The following TPCN2 variants were observed in gnomAD, a reference collection of about 807,000 sequenced individuals.
TPCN2 encodes the protein two pore channel protein 2.
TPCN2 carries 92 observed loss-of-function variants against 111.4 expected under a neutral mutation model. The ratio of observed to expected loss-of-function variants is 0.83; its 90% CI spans 0.70 to 0.98. The LOEUF (loss-of-function observed/expected upper bound fraction) is 0.98. Among genes scored for constraint, TPCN2 ranks in the 50% least tolerant of loss-of-function variants. The pLI, the probability that TPCN2 is intolerant of heterozygous loss-of-function variation, is 0.00. For missense variants in TPCN2, 995 were observed against 980.1 expected (o/e 1.02, Z -0.20); for synonymous variants, 405 against 414.5 (o/e 0.98, Z 0.28).
intron 13 of TPCN2, 57 bp from the exon 14 acceptor site, chr11:69,078,425 G>C (rs1236845393): frequency 6.2e-7 from 1 of 1,600,046 alleles, no homozygotes; most frequent in African/African-American, 1.3e-5. Context: ...GCATTTTTGG[G>C]CTGCAACAGC....
chr11:69,084,895 G>T (rs1856206600), intron 19 of TPCN2: 2 of 812,424 alleles, frequency 2.5e-6, no homozygotes, highest in Admixed American at 1.2e-4. Flanking sequence ...GCTGACGCAT[G>T]TTAGGGACAG....
At chr11:69,082,327 TACAC>T (rs1035250016) in intron 18 of TPCN2, among the ~76,000 whole-genome samples, 3 of 152,198 alleles carry the variant, frequency 2.0e-5, no homozygotes, top group Non-Finnish European at 2.9e-5. Context: ...CACATGCATA[TACAC>T]ACACAATCAC....
chr11:69,052,465 A>G (rs930819998), intron 1 of TPCN2, among the ~76,000 whole-genome samples: 1 of 152,144 alleles, frequency 6.6e-6, no homozygotes, highest in South Asian at 2.1e-4. Context: ...GGACATAAAC[A>G]GTAGCCACTT....
chr11:69,084,654 C>G, intron 19 of TPCN2: 1 of 985,436 alleles, frequency 1.0e-6, no homozygotes, highest in African/African-American at 1.7e-5. Context: ...GCAGTTTTGC[C>G]ATTTTATTCT....
Position 69,078,550 on chromosome 11 carries a change from C to G in TPCN2, c.1299C>G (p.Tyr433Ter). The G allele has an allele frequency of 6.2e-7, 1 of 1,614,104 alleles. No homozygotes were observed. Among genetic ancestry groups the G allele is most frequent in the Non-Finnish European group, 8.5e-7 (1 of 1,180,026 alleles). ...CCCAGTTCCTCTTCGGCCACTACTA[C>G]TTTGACTACCTGGGGAACCTCATCG... is the stretch of plus-strand genomic sequence containing the variant. ...QSAQFLFGHYYFDYLGNLIAL... is the reference protein window; with the variant it reads ...QSAQFLFGHY Residue 433 changes from tyrosine to a stop codon, truncating the protein, a stop_gained, in exon 14 of 25, where the codon TAC (tyrosine) becomes TAG (stop). Transcript: ENST00000294309. LOFTEE classifies it high-confidence loss of function.
chr11:69,069,758 C>G (rs12795701), intron 8 of TPCN2, among the ~76,000 whole-genome samples: 1 of 103,586 alleles, frequency 9.7e-6, no homozygotes, highest in Non-Finnish European at 2.2e-5. Context: ...GGAGCAGGAC[C>G]GTCTGAGTCC....
intron 7 of TPCN2, 135 bp downstream of exon 7, chr11:69,064,102 G>T (rs2134555403): frequency 1.2e-6 from 1 of 832,822 alleles, no homozygotes; most frequent in Admixed American, 2.1e-5. Flanking sequence ...GGCCCATCTG[G>T]GGTCCAGGAG....
intron 1 of TPCN2, among the ~76,000 whole-genome samples, chr11:69,050,346 C>G (rs1355324884): frequency 6.6e-6 from 1 of 152,182 alleles, no homozygotes; most frequent in Admixed American, 6.5e-5. Context: ...TGGGGCTGCA[C>G]TGGCTGTGTG....
chr11:69,049,220 T>C (rs979437201), intron 1 of TPCN2, 114 bp downstream of exon 1: 5 of 670,310 alleles, frequency 7.5e-6, no homozygotes, highest in Non-Finnish European at 1.0e-5. Flanking sequence ...CAGGTTCGAG[T>C]CCGAGCGGGG....
intron 3 of TPCN2, among the ~76,000 whole-genome samples, 178 bp downstream of exon 3, chr11:69,054,975 A>T (rs113234545): frequency 6.6e-6 from 1 of 152,284 alleles, no homozygotes; most frequent in African/African-American, 2.4e-5. Flanking sequence ...GGCTCCTTCT[A>T]CAACAAGGGT....
rs998824065 is a variant in TPCN2 at position 69,081,509 on chromosome 11, GGCCCCACCCCCACTC to G, written c.1689+20_1689+34del. The G allele has an allele frequency of 1.6e-5, 25 of 1,540,770 alleles. No individual in the cohort carries two copies. In the African/African-American group the frequency reaches 2.2e-4, roughly 13 times the overall value. ...CATCCCCAGCATGAAGGTGTGTGCCGGCCCCACCCCCACTCGCCCCACCCTCCTGGGTCATGCTGC... is the reference window on the plus strand; with the variant it reads ...CATCCCCAGCATGAAGGTGTGTGCCGGCCCCACCCTCCTGGGTCATGCTGC... On this transcript the variant is annotated intron_variant, in intron 18 of 24. Transcript: ENST00000294309.
Position 69,081,816 on chromosome 11 carries a change from G to C in TPCN2, c.1689+317G>C, listed in dbSNP as rs115562753. On this transcript the variant is annotated intron_variant, in intron 18 of 24. Transcript: ENST00000294309. The stretch of plus-strand genomic sequence containing the variant: ...ACCAGTGCTCCCCCAGGTCTCTGAG[G>C]TTCCCAGAAAGGCCTTTGCCATGGC... Among the ~76,000 whole-genome samples the C allele has an allele frequency of 9.0e-3, 1,364 of 152,254 alleles. 20 individuals carry two copies. The highest frequency in any genetic ancestry group is 0.032 in the African/African-American group (1,314 of 41,538).
intron 18 of TPCN2, chr11:69,083,199 A>G (rs1351752919): frequency 6.5e-6 from 1 of 153,004 alleles, no homozygotes; most frequent in Non-Finnish European, 1.5e-5. Flanking sequence ...ACTTTAAGGG[A>G]AATGGCGCAC....
chr11:69,050,692 C>T (rs1032338964), intron 1 of TPCN2, among the ~76,000 whole-genome samples: 2 of 152,170 alleles, frequency 1.3e-5, no homozygotes, highest in Admixed American at 6.5e-5. Context: ...TTCACCTTTC[C>T]GAATCTCAGT....
intron 6 of TPCN2, among the ~76,000 whole-genome samples, chr11:69,063,261 C>T (rs956623976): frequency 4.0e-5 from 6 of 149,012 alleles, no homozygotes; most frequent in Admixed American, 2.6e-4. Flanking sequence ...GTCCCATGGG[C>T]ACTCTCTCCG....
intron 20 of TPCN2, 67 bp from the exon 21 acceptor site, chr11:69,085,604 G>A: frequency 9.5e-7 from 1 of 1,050,002 alleles, no homozygotes; most frequent in South Asian, 1.3e-5. Context: ...AGAGGAAAGG[G>A]GTGTAAGGTA....
chr11:69,078,243 C>T lies in TPCN2; in HGVS notation c.1231-239C>T, dbSNP rs1003193715. 3.3e-5 allele frequency among the ~76,000 whole-genome samples: 5 copies of T among 152,100 alleles called. No homozygotes were observed. The East Asian group carries it at 7.7e-4, about 23-fold the overall frequency. On this transcript the variant is annotated intron_variant, in intron 13 of 24. Transcript: ENST00000294309. The stretch of plus-strand genomic sequence containing the variant: ...TATCACAACATGGTTTACTTACAGC[C>T]TCAGTGGATGTTTCAGTTGCTTCTA...
chr11:69,055,083 T>TC, intron 3 of TPCN2, 92 bp from the exon 4 acceptor site: 1 of 1,379,270 alleles, frequency 7.3e-7, no homozygotes. Context: ...CAGCGCCAAC[T>TC]CCCGTGCTTC....
chr11:69,087,041 G>A, intron 23 of TPCN2, 71 bp from the exon 24 acceptor site: 12 of 1,379,184 alleles, frequency 8.7e-6, no homozygotes, highest in Non-Finnish European at 1.1e-5. Flanking sequence ...TGACCCTGGA[G>A]GGGCCGGGGA....
Sources: gnomAD v4.1 joint callset for allele counts (sites outside exome capture counted in the v4.1 genomes callset) on GRCh38, gnomAD v4.1.1 for gene constraint, MANE v1.5 for transcripts, NCBI Gene and HGNC (gene_info 2026-07-23, HGNC 2026-07-21) for gene names.